The following ANGPTL6 variants were observed in gnomAD, a reference collection of about 807,000 sequenced individuals.
ANGPTL6 encodes angiopoietin like 6, also known as angiopoietin-related protein 6.
ANGPTL6 carries 45 observed loss-of-function variants against 47.4 expected under a neutral mutation model. The observed-to-expected ratio is 0.95, with a 90% CI of 0.75 to 1.22. The LOEUF (loss-of-function observed/expected upper bound fraction) is 1.22, where lower values mean the gene tolerates loss of function less well. Among genes scored for constraint, ANGPTL6 ranks in the 50% most tolerant of loss-of-function variants. ANGPTL6 has a pLI of 0.00. For synonymous variants in ANGPTL6, 290 were observed against 295.9 expected (o/e 0.98, Z 0.20); for missense variants, 698 against 669.4 (o/e 1.04, Z -0.47).
At chr19:10,092,883 C>T in intron 5 of ANGPTL6, 104 bp from the exon 6 acceptor site, 11 of 951,586 alleles carry the variant, frequency 1.2e-5, no homozygotes, top group Non-Finnish European at 1.6e-5. Context: ...CCCTCCCATT[C>T]TTATTGAATA....
chr19:10,092,866 C>T (rs2088427026), intron 5 of ANGPTL6, 87 bp from the exon 6 acceptor site: 2 of 1,114,334 alleles, frequency 1.8e-6, no homozygotes, highest in Middle Eastern at 2.8e-4. Flanking sequence ...GCCAGGCATC[C>T]CCTGGCCCCT....
chr19:10,095,552 A>C (rs887651373), intron 2 of ANGPTL6, among the ~76,000 whole-genome samples: 2 of 152,178 alleles, frequency 1.3e-5, no homozygotes, highest in African/African-American at 2.4e-5. Flanking sequence ...TATCTAACTT[A>C]CTGACTCCTC....
Position 10,096,394 on chromosome 19 carries a change from G to GCCCAA in ANGPTL6, c.169_170insTTGGG (p.Ala57ValfsTer49), listed in dbSNP as rs1248431137. On this transcript the variant is annotated frameshift_variant, in exon 2 of 6. Coordinates refer to ENST00000253109, the MANE Select transcript of ANGPTL6 (RefSeq NM_031917.3). LOFTEE classifies it high-confidence loss of function. ...CAGCGCCGCCAGCTCGCTGGCGTTG[G>GCCCAA]CGGCCTCGGGCGTCGCCCGCGTGGA... The GCCCAA allele has an allele frequency of 7.7e-7, 1 of 1,304,864 alleles. No individual in the cohort carries two copies. Among genetic ancestry groups the GCCCAA allele is most frequent in the Admixed American group, 4.2e-5 (1 of 23,902 alleles). 80.8% of individuals were successfully genotyped at this position (1,304,864 alleles called of 1,614,324 possible).
At chr19:10,102,052 C>G (rs1231340948) in intron 1 of ANGPTL6, among the ~76,000 whole-genome samples, 2 of 135,120 alleles carry the variant, frequency 1.5e-5, no homozygotes, top group Non-Finnish European at 3.1e-5. Context: ...GAAGGCGGAG[C>G]TTGCAGTGAG....
chr19:10,104,641 T>C (rs1283763708), upstream of ANGPTL6, among the ~76,000 whole-genome samples: 1 of 152,082 alleles, frequency 6.6e-6, no homozygotes, highest in Non-Finnish European at 1.5e-5. Context: ...TATGCTTTCA[T>C]AAATAAAGGA....
rs2088523552 is a variant in ANGPTL6 at position 10,096,127 on chromosome 19, G to C, written c.437C>G (p.Ala146Gly). Reference sequence around the variant, plus strand: ...GGCTGCGCGCTGAGCCTCGGCGGACGCGTTGAGCACGCGCTCCCCGAGCAG... The same window carrying C: ...GGCTGCGCGCTGAGCCTCGGCGGACCCGTTGAGCACGCGCTCCCCGAGCAG... Reference protein sequence around the residue: ...LALLGERVLNASAEAQRAAAR... With the variant: ...LALLGERVLNGSAEAQRAAAR... Residue 146 changes from alanine to glycine, a missense_variant, in exon 2 of 6, where the codon GCG becomes GGG. By Grantham distance (60) the Ala-to-Gly change is moderately conservative. Transcript: ENST00000253109. 6.9e-7 allele frequency: 1 copy of C among 1,444,510 alleles called. No homozygotes were observed. The highest frequency in any genetic ancestry group is 9.1e-7 in the Non-Finnish European group (1 of 1,099,434). The allele number at this position is 1,444,510 out of a possible 1,614,324, so 89.5% of individuals were successfully genotyped here.
intron 1 of ANGPTL6, 62 bp from the exon 2 acceptor site, chr19:10,096,635 T>G: frequency 7.8e-7 from 1 of 1,274,820 alleles, no homozygotes; most frequent in Non-Finnish European, 1.0e-6. Context: ...ACCCCTCCGC[T>G]TCCACGCGGG....
Position 10,093,592 on chromosome 19 carries a change from A to G in ANGPTL6, c.979T>C (p.Tyr327His), listed in dbSNP as rs1190128928. 15 of 1,613,852 alleles carry G rather than the reference A, an allele frequency of 9.3e-6. No individual in the cohort carries two copies. Among genetic ancestry groups the G allele is most frequent in the Non-Finnish European group, 1.3e-5 (15 of 1,179,836 alleles). The change falls in exon 5 of 6, where the codon TAC becomes CAC. Residue 327 changes from tyrosine (Y) to histidine (H), a missense_variant. Coordinates refer to ENST00000253109, the MANE Select transcript of ANGPTL6 (RefSeq NM_031917.3). ...KAGFGRPDGEYWLGLEPVYQL... is the reference protein window; with the variant it reads ...KAGFGRPDGEHWLGLEPVYQL... ...TACACGGGTTCAAGGCCCAGCCAGT[A>G]TTCTCCGTCTGGCCGCCCAAAGCCC...
chr19:10,103,715 G>A (rs1375410004), upstream of ANGPTL6, among the ~76,000 whole-genome samples: 1 of 151,116 alleles, frequency 6.6e-6, no homozygotes, highest in African/African-American at 2.4e-5. Flanking sequence ...AATTGTGATA[G>A]AAACAATATA....
rs773589209 is a variant in ANGPTL6, at chr19:10,092,424, G to A, written c.*165C>T. ...AGCCATCTGAGGCCAAGATATTGAC[G>A]GGGGGGATTCCTGGGTCCCATTTTC... is the stretch of plus-strand genomic sequence containing the variant. On this transcript the variant is annotated 3_prime_UTR_variant, in exon 6 of 6. Coordinates refer to ENST00000253109, the MANE Select transcript of ANGPTL6 (RefSeq NM_031917.3). 92 of 1,505,490 alleles carry A rather than the reference G, an allele frequency of 6.1e-5. No individual in the cohort carries two copies. The highest frequency in any genetic ancestry group is 3.5e-4 in the Middle Eastern group (2 of 5,700). 93.3% of individuals were successfully genotyped at this position (1,505,490 alleles called of 1,614,324 possible).
At chr19:10,094,584 CTCTTCTATTTCTTGT>C in intron 3 of ANGPTL6, 159 bp downstream of exon 3, 1 of 801,064 alleles carries the variant, frequency 1.2e-6, no homozygotes, top group Non-Finnish European at 2.0e-6. Flanking sequence ...AGAGTCCCTC[CTCTTCTATTTCTTGT>C]TTCTCCTATT....
chr19:10,099,824 T>TCTCC (rs1257566403), intron 1 of ANGPTL6, among the ~76,000 whole-genome samples: 1 of 143,572 alleles, frequency 7.0e-6, no homozygotes, highest in Non-Finnish European at 1.5e-5. Flanking sequence ...TCTCTCTGTC[T>TCTCC]CTCCCTCTCT....
Position 10,092,618 on chromosome 19 carries a change from C to T in ANGPTL6, c.1384G>A (p.Ala462Thr), listed in dbSNP as rs780477052. 1.6e-5 allele frequency: 26 copies of T among 1,610,242 alleles called. No homozygotes were observed. The highest frequency in any genetic ancestry group is 4.5e-5 in the East Asian group (2 of 44,762). Residue 462 changes from alanine (A) to threonine (T), a missense_variant, in exon 6 of 6, where the codon GCC becomes ACC. By Grantham distance (58) the Ala-to-Thr change is moderately conservative. Coordinates refer to ENST00000253109, the MANE Select transcript of ANGPTL6 (RefSeq NM_031917.3). The part of the protein sequence containing the change: ...RGGAYSLRKA[A>T]MLIRPLKL Reference sequence around the variant, plus strand: ...AGCTTCAGGGGCCGAATGAGCATGGCGGCCTTCCTGAGAGAATATGCCCCA... The same window carrying T: ...AGCTTCAGGGGCCGAATGAGCATGGTGGCCTTCCTGAGAGAATATGCCCCA...
In ANGPTL6 at chr19:10,093,569, C is replaced by G. The variant is rs1015988015; in HGVS notation, c.1002G>C (p.Val334=). 3.1e-6 allele frequency: 5 copies of G among 1,613,650 alleles called. No homozygotes were observed. In the African/African-American group the frequency reaches 6.7e-5, roughly 22 times the overall value. ...GGTCCCCACGGCTGGTCAGCTGATA[C>G]ACGGGTTCAAGGCCCAGCCAGTATT... The part of the protein sequence containing the change: ...DGEYWLGLEP[V]YQLTSRGDHE... Residue 334 remains valine (V), a synonymous_variant, in exon 5 of 6, where the codon GTG becomes GTC. Transcript: ENST00000253109.
At chr19:10,092,974 C>T (rs1317167904) in intron 5 of ANGPTL6, 195 bp from the exon 6 acceptor site, 2 of 516,032 alleles carry the variant, frequency 3.9e-6, no homozygotes, top group Admixed American at 7.2e-5. Flanking sequence ...AGCCTTAATT[C>T]CTTCCCTATC....
chr19:10,104,176 G>A (rs1243533856), upstream of ANGPTL6, among the ~76,000 whole-genome samples: 1 of 151,622 alleles, frequency 6.6e-6, no homozygotes, highest in African/African-American at 2.4e-5. Flanking sequence ...GTATAATAGA[G>A]AAGCATTCAT....
In ANGPTL6 at chr19:10,093,535, G is replaced by A; in HGVS notation, c.1036C>T (p.Leu346=). ...QLTSRGDHEL[L]VLLEDWGGRG... ...CCCCCCCAGTCCTCCAGGAGAACCAGCAGCTCATGGTCCCCACGGCTGGTC... is the reference window on the plus strand; with the variant it reads ...CCCCCCCAGTCCTCCAGGAGAACCAACAGCTCATGGTCCCCACGGCTGGTC... The change falls in exon 5 of 6, where the codon CTG becomes TTG. Residue 346 remains leucine, a synonymous_variant. Coordinates refer to ENST00000253109, the MANE Select transcript of ANGPTL6 (RefSeq NM_031917.3). 6.2e-7 allele frequency: 1 copy of A among 1,614,156 alleles called. No homozygotes were observed. The highest frequency in any genetic ancestry group is 8.5e-7 in the Non-Finnish European group (1 of 1,180,022).
chr19:10,104,120 A>C (rs2088757419), upstream of ANGPTL6, among the ~76,000 whole-genome samples: 2 of 151,572 alleles, frequency 1.3e-5, no homozygotes, highest in Non-Finnish European at 2.9e-5. Flanking sequence ...ATAAAAATGT[A>C]AGATTTTGAG....
In ANGPTL6 at chr19:10,098,084, G is replaced by T. The variant is rs530349021; in HGVS notation, c.-10-1511C>A. The stretch of plus-strand genomic sequence containing the variant: ...TGTTTAAATTTTCTGTATAGTCAGG[G>T]TCTTGCTATGTTGCCTAGGCTGGTC... On this transcript the variant is annotated intron_variant, in intron 1 of 5. Transcript: ENST00000253109. Among the ~76,000 whole-genome samples the T allele has an allele frequency of 4.0e-5, 6 of 151,594 alleles. No individual in the cohort carries two copies. In the Middle Eastern group the frequency reaches 0.014, roughly 348 times the overall value.
Sources: allele counts gnomAD v4.1 joint callset (sites outside exome capture counted in the v4.1 genomes callset), GRCh38; gene constraint gnomAD v4.1.1; transcripts MANE v1.5; gene names NCBI Gene and HGNC (gene_info 2026-07-23, HGNC 2026-07-21).